Variants in EPHA6 observed in about 807,000 individuals in gnomAD.
EPHA6 encodes EPH receptor A6.
In EPHA6, 50 loss-of-function variants were observed where a neutral mutation model predicts 112.0. That is an observed-to-expected ratio of 0.45 (90% CI 0.36 to 0.56). The LOEUF (loss-of-function observed/expected upper bound fraction) is 0.56. EPHA6 is among the 20% of genes least tolerant of loss of function. EPHA6 has a pLI of 0.00. For synonymous variants in EPHA6, 529 were observed against 490.7 expected (o/e 1.08, Z -1.03); for missense variants, 1,280 against 1,417.4 (o/e 0.90, Z 1.56).
At position 97,283,739 on chromosome 3, in the gene EPHA6, G is replaced by A. The variant is rs1204863554; in HGVS notation, c.1606+39452G>A. ...GTATACCTATGTAACAAACCTGCAC[G>A]TTCTGCACGTGTATCTCATAACTTA... On this transcript the variant is annotated intron_variant, in intron 5 of 17. Coordinates refer to ENST00000389672, the MANE Select transcript of EPHA6 (RefSeq NM_001080448.3). 3.9e-5 allele frequency among the ~76,000 whole-genome samples: 6 copies of A among 151,912 alleles called. No homozygotes were observed. In the South Asian group the frequency reaches 1.0e-3, roughly 26 times the overall value.
At chr3:97,068,174 A>T in intron 3 of EPHA6, among the ~76,000 whole-genome samples, 1 of 151,614 alleles carries the variant, frequency 6.6e-6, no homozygotes, top group Middle Eastern at 3.4e-3. Context: ...AGAAAAAAAA[A>T]AAAAAAAGAG....
At chr3:97,279,221 G>A (rs1205428508) in intron 5 of EPHA6, among the ~76,000 whole-genome samples, 1 of 151,882 alleles carries the variant, frequency 6.6e-6, no homozygotes, top group East Asian at 1.9e-4. Flanking sequence ...ATATTTGTTT[G>A]GAAAGAGAAA....
chr3:97,458,754 G>A (rs866993899), intron 7 of EPHA6, among the ~76,000 whole-genome samples: 4 of 152,152 alleles, frequency 2.6e-5, no homozygotes, highest in Middle Eastern at 3.4e-3. Context: ...AGAGAAGGGC[G>A]CTTGAGAGGA....
At position 97,590,772 on chromosome 3, in the gene EPHA6, G is replaced by A. The variant is rs114114608; in HGVS notation, c.2387-1840G>A. 8.9e-3 allele frequency among the ~76,000 whole-genome samples: 1,353 copies of A among 152,120 alleles called. 20 individuals are homozygous for A. The highest frequency in any genetic ancestry group is 0.031 in the African/African-American group (1,286 of 41,504). On this transcript the variant is annotated intron_variant, in intron 11 of 17. Transcript: ENST00000389672. Reference sequence around the variant, plus strand: ...ATTTGTTGTCATTATTTTCCCTATTGTAACAATATCATTACTCTTGCAACT... The same window carrying A: ...ATTTGTTGTCATTATTTTCCCTATTATAACAATATCATTACTCTTGCAACT...
chr3:97,527,709 A>T lies in EPHA6; in HGVS notation c.2201-4649A>T, dbSNP rs928935055. Among the ~76,000 whole-genome samples, 20 of 152,250 alleles carry T rather than the reference A, an allele frequency of 1.3e-4. 1 individual carries two copies. Among genetic ancestry groups the T allele is most frequent in the African/African-American group, 4.8e-4 (20 of 41,574 alleles). ...GGAAAAAAAGTGAACAACCATGTGT[A>T]TGGGATGCAGTTTGGTAACATCAAG... On this transcript the variant is annotated intron_variant, in intron 10 of 17. Coordinates refer to ENST00000389672, the MANE Select transcript of EPHA6 (RefSeq NM_001080448.3).
chr3:96,979,395 G>A (rs2042664525), intron 2 of EPHA6, among the ~76,000 whole-genome samples: 1 of 151,916 alleles, frequency 6.6e-6, no homozygotes, highest in South Asian at 2.1e-4. Flanking sequence ...CTTTTTTGTG[G>A]CTGCATAGTA....
intron 3 of EPHA6, among the ~76,000 whole-genome samples, chr3:97,028,616 C>T (rs892579686): frequency 2.0e-5 from 3 of 151,988 alleles, no homozygotes; most frequent in African/African-American, 7.2e-5. Flanking sequence ...CAAATGTTAT[C>T]TCTAATAGAG....
intron 3 of EPHA6, among the ~76,000 whole-genome samples, chr3:97,094,338 T>G (rs2047171320): frequency 6.6e-6 from 1 of 152,102 alleles, no homozygotes; most frequent in Non-Finnish European, 1.5e-5. Flanking sequence ...AAAGAGTGAC[T>G]TGGTAGAATT....
At chr3:97,348,419 G>A (rs1043227416) in intron 5 of EPHA6, among the ~76,000 whole-genome samples, 1 of 151,790 alleles carries the variant, frequency 6.6e-6, no homozygotes, top group Non-Finnish European at 1.5e-5. Context: ...GATCTATATA[G>A]ATTTAATCTT....
At chr3:97,183,733 G>A (rs938185978) in intron 3 of EPHA6, among the ~76,000 whole-genome samples, 11 of 151,976 alleles carry the variant, frequency 7.2e-5, no homozygotes, top group Admixed American at 7.2e-4. Flanking sequence ...AGATGTTCGT[G>A]TTTTCCTGGC....
chr3:97,455,417 G>C (rs2090650164), intron 7 of EPHA6, among the ~76,000 whole-genome samples: 1 of 151,958 alleles, frequency 6.6e-6, no homozygotes, highest in Admixed American at 6.6e-5. Flanking sequence ...CATTGGAATG[G>C]GGTTATTATG....
In EPHA6 at chr3:97,752,394, T is replaced by C. The variant is rs2035924162; in HGVS notation, c.*3693T>C. On this transcript the variant is annotated 3_prime_UTR_variant, in exon 18 of 18. Coordinates refer to ENST00000389672, the MANE Select transcript of EPHA6 (RefSeq NM_001080448.3). The stretch of plus-strand genomic sequence containing the variant: ...TCTACAAGGCAGTCAGTTAAATCTC[T>C]CATTTCATAATTTTCACTGTGCTAG... 4.5e-6 allele frequency: 1 copy of C among 224,334 alleles called. No homozygotes were observed. Among genetic ancestry groups the C allele is most frequent in the African/African-American group, 2.2e-5 (1 of 44,916 alleles). 13.9% of individuals were successfully genotyped at this position (224,334 alleles called of 1,614,324 possible).
At chr3:97,354,738 A>G (rs985791957) in intron 5 of EPHA6, among the ~76,000 whole-genome samples, 5 of 152,214 alleles carry the variant, frequency 3.3e-5, no homozygotes, top group African/African-American at 1.2e-4. Context: ...GAAAGATATC[A>G]ATGTTCAAGT....
chr3:97,315,806 C>G (rs998937759), intron 5 of EPHA6, among the ~76,000 whole-genome samples: 2 of 151,804 alleles, frequency 1.3e-5, no homozygotes, highest in Non-Finnish European at 2.9e-5. Flanking sequence ...AACTGAGGTT[C>G]ACACACTGGA....
At chr3:97,213,897 A>G (rs1186214739) in intron 3 of EPHA6, among the ~76,000 whole-genome samples, 2 of 152,070 alleles carry the variant, frequency 1.3e-5, no homozygotes, top group African/African-American at 4.8e-5. Context: ...TTGTTTATTC[A>G]ACGGGAAGTT....
intron 5 of EPHA6, among the ~76,000 whole-genome samples, chr3:97,338,491 C>T (rs1337397165): frequency 3.3e-5 from 5 of 152,088 alleles, no homozygotes; most frequent in Admixed American, 6.6e-5. Flanking sequence ...ATTCCAAACA[C>T]GTTCAGCTGT....
At chr3:97,053,091 A>C (rs937155671) in intron 3 of EPHA6, among the ~76,000 whole-genome samples, 1 of 152,164 alleles carries the variant, frequency 6.6e-6, no homozygotes, top group Non-Finnish European at 1.5e-5. Context: ...GGATTAATTA[A>C]GCGACTTATA....
chr3:97,539,849 G>A (rs2092824002), intron 11 of EPHA6, among the ~76,000 whole-genome samples: 1 of 152,190 alleles, frequency 6.6e-6, no homozygotes, highest in Non-Finnish European at 1.5e-5. Flanking sequence ...TGAGGATTGA[G>A]ATGCTTGTGA....
rs751079718 is a variant in EPHA6 at position 97,760,466 on chromosome 3, TATTTGG to T, written c.*11771_*11776del. The T allele has an allele frequency of 2.3e-5, 4 of 175,312 alleles. No homozygotes were observed. Among genetic ancestry groups the T allele is most frequent in the Non-Finnish European group, 3.7e-5 (3 of 81,416 alleles). The allele number at this position is 175,312 out of a possible 1,614,324, so 10.9% of individuals were successfully genotyped here. A position where few individuals can be genotyped will look rare whatever the true frequency, so the allele number is the denominator to read the frequency against. ...ATGTTGGAATTTAAAGATGCATTAT[TATTTGG>T]ATTTGATGTGAAATTAGATTGTGAA... is the stretch of plus-strand genomic sequence containing the variant. On this transcript the variant is annotated 3_prime_UTR_variant, in exon 18 of 18. Coordinates refer to ENST00000389672, the MANE Select transcript of EPHA6 (RefSeq NM_001080448.3).
Sources: gnomAD v4.1 joint callset for allele counts (sites outside exome capture counted in the v4.1 genomes callset) on GRCh38, gnomAD v4.1.1 for gene constraint, MANE v1.5 for transcripts, NCBI Gene and HGNC (gene_info 2026-07-23, HGNC 2026-07-21) for gene names.